Variants in SEL1L observed in about 807,000 individuals in gnomAD.
The protein encoded by SEL1L is protein sel-1 homolog 1.
SEL1L carries 52 observed loss-of-function variants against 109.8 expected under a neutral mutation model. That is an observed-to-expected ratio of 0.47 (90% CI 0.38 to 0.60). SEL1L has a LOEUF of 0.60. Among genes scored for constraint, SEL1L ranks in the 20% least tolerant of loss-of-function variants. The pLI is 0.00. For synonymous variants in SEL1L, 373 were observed against 339.6 expected (o/e 1.10, Z -1.08); for missense variants, 749 against 962.2 (o/e 0.78, Z 2.93).
intron 12 of SEL1L, among the ~76,000 whole-genome samples, chr14:81,490,862 C>A (rs1883515107): frequency 6.6e-6 from 1 of 152,210 alleles, no homozygotes; most frequent in African/African-American, 2.4e-5. Context: ...CAGCTTGCTA[C>A]TTCACTCCAG....
rs753997939 is a variant in SEL1L at position 81,487,956 on chromosome 14, T to C, written c.1396-14A>G. 8 of 1,597,612 alleles carry C rather than the reference T, an allele frequency of 5.0e-6. No homozygotes were observed. Among genetic ancestry groups the C allele is most frequent in the East Asian group, 2.2e-5 (1 of 44,752 alleles). ...TAGATCATAATTCTGTAGAAAAAGA[T>C]GTCATATGATGAGAAAGCTCAAAAG... On this transcript the variant is annotated splice_polypyrimidine_tract_variant and intron_variant, in intron 14 of 20. Coordinates refer to ENST00000336735, the MANE Select transcript of SEL1L (RefSeq NM_005065.6).
intron 6 of SEL1L, among the ~76,000 whole-genome samples, chr14:81,502,207 A>C (rs1056878913): frequency 5.3e-5 from 8 of 152,194 alleles, no homozygotes; most frequent in Non-Finnish European, 1.2e-4. Flanking sequence ...TATATACACA[A>C]AGAGAAAGAT....
At chr14:81,507,202 T>C (rs1428403584) in intron 3 of SEL1L, among the ~76,000 whole-genome samples, 1 of 152,172 alleles carries the variant, frequency 6.6e-6, no homozygotes, top group Non-Finnish European at 1.5e-5. Context: ...CTGAGAACAA[T>C]GGAAACTCAC....
chr14:81,502,030 C>A (rs986945370), intron 6 of SEL1L, among the ~76,000 whole-genome samples: 9 of 150,898 alleles, frequency 6.0e-5, no homozygotes, highest in African/African-American at 2.0e-4. Context: ...AAGGTAGAGT[C>A]CTGGATTGAA....
intron 2 of SEL1L, 51 bp from the exon 3 acceptor site, chr14:81,527,015 A>G (rs1356677483): frequency 7.7e-7 from 1 of 1,297,808 alleles, no homozygotes; most frequent in Non-Finnish European, 1.1e-6. Flanking sequence ...ACTTTCCCCA[A>G]CCCTATTTGA....
chr14:81,479,836 T>C (rs1407238846), intron 19 of SEL1L, 96 bp from the exon 20 acceptor site: 7 of 1,178,234 alleles, frequency 5.9e-6, no homozygotes, highest in African/African-American at 4.7e-5. Context: ...CCTTTGAGGT[T>C]TTCATTTTAA....
chr14:81,480,816 G>A (rs78940227), intron 19 of SEL1L, among the ~76,000 whole-genome samples: 4,092 of 152,276 alleles, frequency 0.027, 178 homozygotes, highest in African/African-American at 0.094. Flanking sequence ...TTTCCTGAAA[G>A]GGATCTGCTG....
intron 19 of SEL1L, among the ~76,000 whole-genome samples, chr14:81,480,622 G>A (rs1018963053): frequency 6.6e-6 from 1 of 152,196 alleles, no homozygotes; most frequent in Non-Finnish European, 1.5e-5. Flanking sequence ...GGGAGGCTGA[G>A]TGGGAGGACT....
intron 13 of SEL1L, 141 bp from the exon 14 acceptor site, chr14:81,489,455 T>C (rs1325646263): frequency 1.5e-6 from 1 of 688,636 alleles, no homozygotes; most frequent in Non-Finnish European, 2.5e-6. Context: ...AAAACTTTCT[T>C]CTTCTCATCA....
At chr14:81,530,037 C>A (rs1885265221) in intron 1 of SEL1L, among the ~76,000 whole-genome samples, 1 of 152,234 alleles carries the variant, frequency 6.6e-6, no homozygotes, top group Non-Finnish European at 1.5e-5. Context: ...GTACACCTTC[C>A]TTTGAAAAGG....
chr14:81,525,541 G>A (rs1885078820), intron 3 of SEL1L, among the ~76,000 whole-genome samples: 1 of 151,124 alleles, frequency 6.6e-6, no homozygotes, highest in Admixed American at 6.7e-5. Flanking sequence ...TATTTTCAGA[G>A]GAAGTAAACA....
rs779440737 is a variant in SEL1L, at chr14:81,486,254, T to C, written c.1798+35A>G. ...CAGTTTACTGGTGTGAACTCGTACA[T>C]TCTAAACCTAAGGCAGGACTAAAAT... is the stretch of plus-strand genomic sequence containing the variant. On this transcript the variant is annotated intron_variant, in intron 17 of 20. Coordinates refer to ENST00000336735, the MANE Select transcript of SEL1L (RefSeq NM_005065.6). 4.3e-6 allele frequency: 7 copies of C among 1,609,638 alleles called. No homozygotes were observed. The South Asian group carries it at 7.7e-5, about 18-fold the overall frequency.
intron 3 of SEL1L, among the ~76,000 whole-genome samples, chr14:81,512,213 C>T (rs1021404584): frequency 2.6e-5 from 4 of 152,140 alleles, no homozygotes; most frequent in Admixed American, 6.5e-5. Context: ...ACAGACCTCA[C>T]CCAATCAGTT....
Position 81,499,501 on chromosome 14 carries a change from T to G in SEL1L, c.849A>C (p.Thr283=). Reference sequence around the variant, plus strand: ...TTAGATTGCCCCCAAGAGCTCCAAATGTATAATATACAAGAGCCTGTGAAA... The same window carrying G: ...TTAGATTGCCCCCAAGAGCTCCAAAGGTATAATATACAAGAGCCTGTGAAA... The part of the protein sequence containing the change: ...SSQAKALVYY[T]FGALGGNLIA... The change falls in exon 8 of 21, where the codon ACA becomes ACC. Residue 283 remains threonine (T), a synonymous_variant. Coordinates refer to ENST00000336735, the MANE Select transcript of SEL1L (RefSeq NM_005065.6). 1.9e-6 allele frequency: 3 copies of G among 1,612,728 alleles called. No homozygotes were observed. Among genetic ancestry groups the G allele is most frequent in the South Asian group, 2.2e-5 (2 of 90,720 alleles).
chr14:81,516,082 C>A (rs916379214), intron 3 of SEL1L, among the ~76,000 whole-genome samples: 1 of 152,166 alleles, frequency 6.6e-6, no homozygotes, highest in Admixed American at 6.5e-5. Context: ...TCCACTATGC[C>A]GAGGCAATCA....
intron 10 of SEL1L, among the ~76,000 whole-genome samples, chr14:81,497,661 T>C (rs1406492833): frequency 3.9e-5 from 6 of 152,092 alleles, no homozygotes; most frequent in Non-Finnish European, 8.8e-5. Context: ...TGGACAGTTT[T>C]AGGAACCCTC....
intron 10 of SEL1L, 25 bp downstream of exon 10, chr14:81,497,867 T>C (rs1411271879): frequency 1.2e-6 from 2 of 1,604,484 alleles, no homozygotes; most frequent in Non-Finnish European, 8.5e-7. Flanking sequence ...AGTAAAGATA[T>C]TTGGTGAGAT....
At chr14:81,527,438 T>TACC (rs141919027) in intron 2 of SEL1L, among the ~76,000 whole-genome samples, 1 of 146,664 alleles carries the variant, frequency 6.8e-6, no homozygotes, top group African/African-American at 2.5e-5. Context: ...TCTTCAAACT[T>TACC]ACACACACAC....
In SEL1L at chr14:81,475,570, T is replaced by C. The variant is rs1225581339; in HGVS notation, c.*1402A>G. 1 of 152,186 alleles carries C rather than the reference T, an allele frequency of 6.6e-6. No individual in the cohort carries two copies. The highest frequency in any genetic ancestry group is 1.5e-5 in the Non-Finnish European group (1 of 68,032). 9.4% of individuals were successfully genotyped at this position (152,186 alleles called of 1,614,324 possible). ...ATAAACATACTGACATCAGTAGGCATAGAAAACCTGCTCAGATACGAATGC... is the reference window on the plus strand; with the variant it reads ...ATAAACATACTGACATCAGTAGGCACAGAAAACCTGCTCAGATACGAATGC... On this transcript the variant is annotated 3_prime_UTR_variant, in exon 21 of 21. Coordinates refer to ENST00000336735, the MANE Select transcript of SEL1L (RefSeq NM_005065.6).
Sources: allele counts gnomAD v4.1 joint callset (sites outside exome capture counted in the v4.1 genomes callset), GRCh38; gene constraint gnomAD v4.1.1; transcripts MANE v1.5; gene names NCBI Gene and HGNC (gene_info 2026-07-23, HGNC 2026-07-21).